The following SYPL2 variants were observed in gnomAD, a reference collection of about 807,000 sequenced individuals.
SYPL2 encodes the protein synaptophysin like 2, also known as synaptophysin-like protein 2.
A neutral mutation model predicts 31.3 loss-of-function variants in SYPL2; 24 were observed. That is an observed-to-expected ratio of 0.77 (90% CI 0.56 to 1.08). The LOEUF (loss-of-function observed/expected upper bound fraction) is 1.08, where lower values mean the gene tolerates loss of function less well. SYPL2 is among the 50% of genes least tolerant of loss of function. SYPL2 has a pLI of 0.00. For missense variants in SYPL2, 342 were observed against 360.1 expected, an observed-to-expected ratio of 0.95 and a Z score of 0.41; for synonymous variants, 144 against 143.1, an observed-to-expected ratio of 1.01 and a Z score of -0.05.
At chr1:109,473,756 A>G (rs2359653) in intron 2 of SYPL2, among the ~76,000 whole-genome samples, 102,581 of 151,854 alleles carry the variant, frequency 0.68, 35,413 homozygotes, top group East Asian at 0.96. Flanking sequence ...TTAGCTGGGC[A>G]TGGTGGTGGG....
intron 2 of SYPL2, among the ~76,000 whole-genome samples, chr1:109,469,756 A>AT (rs1454376102): frequency 1.3e-4 from 18 of 141,158 alleles, no homozygotes; most frequent in African/African-American, 4.7e-4. Flanking sequence ...CTGGAGGATC[A>AT]TTGAGCCCAG....
chr1:109,475,480 C>G, intron 2 of SYPL2, 101 bp from the exon 3 acceptor site: 1 of 1,479,766 alleles, frequency 6.8e-7, no homozygotes. Context: ...CTCTCCCCCA[C>G]TCCCGCACTT....
chr1:109,471,289 T>C (rs985777949), intron 2 of SYPL2, among the ~76,000 whole-genome samples: 2 of 152,324 alleles, frequency 1.3e-5, no homozygotes, highest in East Asian at 3.9e-4. Flanking sequence ...TCCGACTGTA[T>C]AGTGTTCAGA....
chr1:109,474,664 G>C (rs186342704), intron 2 of SYPL2, among the ~76,000 whole-genome samples: 2 of 152,256 alleles, frequency 1.3e-5, no homozygotes, highest in South Asian at 4.1e-4. Flanking sequence ...TCTAACCAAA[G>C]TGTGTTTCCC....
chr1:109,470,759 AG>A (rs1187969812), intron 2 of SYPL2, among the ~76,000 whole-genome samples: 7 of 152,178 alleles, frequency 4.6e-5, no homozygotes, highest in African/African-American at 1.7e-4. Flanking sequence ...ATGGAGGGTT[AG>A]GAGACATGGA....
intron 2 of SYPL2, among the ~76,000 whole-genome samples, chr1:109,467,555 A>G (rs1183096173): frequency 6.6e-6 from 1 of 152,168 alleles, no homozygotes; most frequent in African/African-American, 2.4e-5. Flanking sequence ...GAAGCAGGCG[A>G]TGGAAACCGT....
rs373200737 is a variant in SYPL2, at chr1:109,477,888, C to T, written c.527C>T (p.Thr176Ile). The T allele has an allele frequency of 4.3e-6, 7 of 1,614,062 alleles. No homozygotes were observed. Among genetic ancestry groups the T allele is most frequent in the Non-Finnish European group, 3.4e-6 (4 of 1,180,044 alleles). The change falls in exon 5 of 6, where the codon ACC (threonine) becomes ATC (isoleucine). Residue 176 changes from threonine to isoleucine, a missense_variant. Thr to Ile is a moderately conservative substitution (Grantham distance 89). Transcript: ENST00000369872. ...GCAGCTGCCTGGGGCAAGGGCCTGA[C>T]CGATGTCAAGGGGGCCACACGACCA... ...VAAAAWGKGL[T>I]DVKGATRPSS...
At chr1:109,475,425 C>G (rs1354203838) in intron 2 of SYPL2, 156 bp from the exon 3 acceptor site, 5 of 1,007,974 alleles carry the variant, frequency 5.0e-6, no homozygotes, top group Non-Finnish European at 7.0e-6. Flanking sequence ...TAAATGGAAG[C>G]CATGGGTTTC....
At position 109,480,664 on chromosome 1, in the gene SYPL2, C is replaced by G. The variant is rs1047715339; in HGVS notation, c.*1116C>G. 9.8e-5 allele frequency: 15 copies of G among 152,632 alleles called. No individual in the cohort carries two copies. The highest frequency in any genetic ancestry group is 3.6e-4 in the African/African-American group (15 of 41,392). The allele number at this position is 152,632 out of a possible 1,614,324, so 9.5% of individuals were successfully genotyped here. On this transcript the variant is annotated 3_prime_UTR_variant, in exon 6 of 6. Transcript: ENST00000369872. ...TTCCCCTGCTCCTTCTCTAGTCCTTCTTTCATATTTCTCCTTCTCATCTTG... is the reference window on the plus strand; with the variant it reads ...TTCCCCTGCTCCTTCTCTAGTCCTTGTTTCATATTTCTCCTTCTCATCTTG...
intron 2 of SYPL2, among the ~76,000 whole-genome samples, chr1:109,474,850 G>A (rs1426651134): frequency 1.3e-5 from 2 of 152,238 alleles, no homozygotes; most frequent in Non-Finnish European, 2.9e-5. Flanking sequence ...TACCAGTGGG[G>A]AAACAGTGGA....
chr1:109,470,427 G>A (rs1189067697), intron 2 of SYPL2, among the ~76,000 whole-genome samples: 1 of 152,212 alleles, frequency 6.6e-6, no homozygotes, highest in Non-Finnish European at 1.5e-5. Flanking sequence ...GCATGTCAGT[G>A]CCAAAGGGGA....
At chr1:109,467,695 G>C (rs868137472) in intron 2 of SYPL2, among the ~76,000 whole-genome samples, 1 of 152,164 alleles carries the variant, frequency 6.6e-6, no homozygotes, top group South Asian at 2.1e-4. Context: ...TGAGGGAGTG[G>C]ATGAATGAAT....
intron 2 of SYPL2, among the ~76,000 whole-genome samples, chr1:109,470,896 C>T (rs1655812257): frequency 6.6e-6 from 1 of 152,114 alleles, no homozygotes; most frequent in Non-Finnish European, 1.5e-5. Context: ...CTCTGGGATG[C>T]AGTGTTTGTT....
chr1:109,479,371 T>C lies in SYPL2; in HGVS notation c.649-7T>C. ...TATTCTCACAAATTCCCCTGATGTC[T>C]TTGCAGCTCTTTGGCTTTATCAACT... On this transcript the variant is annotated splice_region_variant and splice_polypyrimidine_tract_variant and intron_variant, in intron 5 of 5. Transcript: ENST00000369872. 3 of 1,613,830 alleles carry C rather than the reference T, an allele frequency of 1.9e-6. No individual in the cohort carries two copies. The highest frequency in any genetic ancestry group is 2.5e-6 in the Non-Finnish European group (3 of 1,179,792).
intron 2 of SYPL2, 130 bp from the exon 3 acceptor site, chr1:109,475,451 T>C: frequency 7.7e-7 from 1 of 1,303,414 alleles, no homozygotes; most frequent in Non-Finnish European, 1.0e-6. Context: ...AGGAAGAACT[T>C]GATTAAAGGG....
rs975895674 is a variant in SYPL2, at chr1:109,469,566, A to T, written c.129+2433A>T. 9.7e-4 allele frequency among the ~76,000 whole-genome samples: 17 copies of T among 17,580 alleles called. No individual in the cohort carries two copies. In the East Asian group the frequency reaches 0.31, roughly 318 times the overall value. 11.5% of individuals were successfully genotyped at this position (17,580 alleles called of 152,430 possible). A position where few individuals can be genotyped will look rare whatever the true frequency, so the allele number is the denominator to read the frequency against. On this transcript the variant is annotated intron_variant, in intron 2 of 5. Coordinates refer to ENST00000369872, the MANE Select transcript of SYPL2 (RefSeq NM_001040709.2). ...AAAAGAAAAGAAAAGAAGTATCTTA[A>T]AAAAAATTTTCTTTTTAAGAAAAAG...
chr1:109,474,771 C>G (rs552271106), intron 2 of SYPL2, among the ~76,000 whole-genome samples: 1 of 152,150 alleles, frequency 6.6e-6, no homozygotes, highest in Non-Finnish European at 1.5e-5. Flanking sequence ...GAAAACAATT[C>G]GAGTGACCTG....
In SYPL2 at chr1:109,480,136, C is replaced by T. The variant is rs554536298; in HGVS notation, c.*588C>T. On this transcript the variant is annotated 3_prime_UTR_variant, in exon 6 of 6. Coordinates refer to ENST00000369872, the MANE Select transcript of SYPL2 (RefSeq NM_001040709.2). ...CCCACAGAATCCACCATGTGTGAAC[C>T]AGAGAGGTCCACCAGCCTAGAAAAC... 1 of 152,652 alleles carries T rather than the reference C, an allele frequency of 6.6e-6. No homozygotes were observed. Among genetic ancestry groups the T allele is most frequent in the African/African-American group, 2.4e-5 (1 of 41,586 alleles). The allele number at this position is 152,652 out of a possible 1,614,324, so 9.5% of individuals were successfully genotyped here. A position where few individuals can be genotyped will look rare whatever the true frequency, so the allele number is the denominator to read the frequency against.
At chr1:109,467,840 A>T (rs981726185) in intron 2 of SYPL2, among the ~76,000 whole-genome samples, 9 of 152,212 alleles carry the variant, frequency 5.9e-5, no homozygotes, top group Non-Finnish European at 1.3e-4. Context: ...CCAGACCTAG[A>T]CTGGCCTTTT....
Sources: gnomAD v4.1 joint callset for allele counts (sites outside exome capture counted in the v4.1 genomes callset) on GRCh38, gnomAD v4.1.1 for gene constraint, MANE v1.5 for transcripts, NCBI Gene and HGNC (gene_info 2026-07-23, HGNC 2026-07-21) for gene names.